The following WDPCP variants were observed in gnomAD, a reference collection of about 807,000 sequenced individuals.
WDPCP encodes WD repeat containing planar cell polarity effector.
Under a neutral mutation model 93.1 loss-of-function variants are expected in WDPCP, and 71 were observed. That is an observed-to-expected ratio of 0.76 (90% CI 0.63 to 0.93). The LOEUF (loss-of-function observed/expected upper bound fraction) is 0.93. Ranked by LOEUF, WDPCP falls within the 40% of genes least tolerant of loss-of-function variation. The probability of loss-of-function intolerance (pLI) is 0.00; values close to 1 mark genes in which losing one functional copy is unlikely to be tolerated. For synonymous variants in WDPCP, 315 were observed against 315.0 expected, an observed-to-expected ratio of 1.00 and a Z score of 0.00; for missense variants, 844 against 887.4, an observed-to-expected ratio of 0.95 and a Z score of 0.62.
At chr2:63,261,790 A>G (rs1313244479) in intron 13 of WDPCP, among the ~76,000 whole-genome samples, 1 of 152,172 alleles carries the variant, frequency 6.6e-6, no homozygotes, top group South Asian at 2.1e-4. Flanking sequence ...AATATTTGCT[A>G]TCTGGCCCTT....
chr2:63,508,845 C>T (rs973737156), intron 1 of WDPCP, among the ~76,000 whole-genome samples: 2 of 152,178 alleles, frequency 1.3e-5, no homozygotes, highest in Non-Finnish European at 2.9e-5. Flanking sequence ...AAGGGCATTA[C>T]ATAATGGTAA....
chr2:63,214,469 A>T (rs1677134049), intron 14 of WDPCP, among the ~76,000 whole-genome samples: 1 of 152,254 alleles, frequency 6.6e-6, no homozygotes, highest in Non-Finnish European at 1.5e-5. Flanking sequence ...CATGGGATGT[A>T]TCTCAAAATA....
At chr2:63,225,170 G>T (rs529922817) in intron 14 of WDPCP, among the ~76,000 whole-genome samples, 3 of 151,942 alleles carry the variant, frequency 2.0e-5, no homozygotes, top group South Asian at 4.1e-4. Flanking sequence ...CAAAAGATTT[G>T]TATAAGGAAT....
At chr2:63,357,524 C>T (rs553087432) in intron 12 of WDPCP, among the ~76,000 whole-genome samples, 1 of 152,264 alleles carries the variant, frequency 6.6e-6, no homozygotes, top group East Asian at 1.9e-4. Context: ...CTCAGTATCA[C>T]TGATTAGAGA....
At chr2:63,742,539 G>A (rs1222582305) in intron 2 of WDPCP, among the ~76,000 whole-genome samples, 1 of 151,468 alleles carries the variant, frequency 6.6e-6, no homozygotes, top group Non-Finnish European at 1.5e-5. Context: ...CACTAATGAG[G>A]TAGATTGCAT....
chr2:63,153,370 A>C, intron 16 of WDPCP, 125 bp downstream of exon 16: 1 of 632,772 alleles, frequency 1.6e-6, no homozygotes, highest in African/African-American at 1.9e-5. Context: ...AATGACAAGC[A>C]GTCTTATACC....
At chr2:63,749,544 C>T (rs146699064) in intron 2 of WDPCP, among the ~76,000 whole-genome samples, 137 of 152,182 alleles carry the variant, frequency 9.0e-4, no homozygotes, top group African/African-American at 3.2e-3. Context: ...ATATTCAACA[C>T]TTTATTATAA....
At chr2:63,838,039 G>C in the WDPCP span, among the ~76,000 whole-genome samples, 1 of 151,978 alleles carries the variant, frequency 6.6e-6, no homozygotes, top group African/African-American at 2.4e-5. Context: ...AGGTTGCATT[G>C]AGCCGAGATC....
At chr2:63,331,114 C>T (rs539892030) in intron 12 of WDPCP, among the ~76,000 whole-genome samples, 1 of 152,202 alleles carries the variant, frequency 6.6e-6, no homozygotes, top group African/African-American at 2.4e-5. Flanking sequence ...TCTTGGCCTC[C>T]CACAGTGTTG....
chr2:63,407,975 C>T (rs1694720715), intron 9 of WDPCP, among the ~76,000 whole-genome samples: 1 of 152,162 alleles, frequency 6.6e-6, no homozygotes, highest in South Asian at 2.1e-4. Context: ...AAGTTACGTT[C>T]ATGATCCAGA....
chr2:63,144,263 TA>T (rs869065000), intron 17 of WDPCP, among the ~76,000 whole-genome samples: 2 of 27,738 alleles, frequency 7.2e-5, no homozygotes, highest in African/African-American at 1.4e-4. Context: ...TTACCCTTTT[TA>T]TTTTATTTTA....
chr2:63,438,060 T>A (rs957758471), intron 7 of WDPCP: 3 of 1,191,248 alleles, frequency 2.5e-6, no homozygotes, highest in East Asian at 3.2e-5. Flanking sequence ...ATAAAGCATA[T>A]TATGACCAAT....
chr2:63,250,903 A>C (rs1680657823), intron 14 of WDPCP, among the ~76,000 whole-genome samples: 1 of 152,190 alleles, frequency 6.6e-6, no homozygotes, highest in African/African-American at 2.4e-5. Context: ...GCTATAGAGC[A>C]CTGGCTCTCA....
At chr2:63,838,553 C>T in the WDPCP span, among the ~76,000 whole-genome samples, 1 of 152,012 alleles carries the variant, frequency 6.6e-6, no homozygotes, top group Admixed American at 6.6e-5. Context: ...TATCAGCCCC[C>T]ATCTTCATTC....
chr2:63,447,640 A>G (rs967400421), intron 6 of WDPCP, among the ~76,000 whole-genome samples: 3 of 152,144 alleles, frequency 2.0e-5, no homozygotes, highest in Non-Finnish European at 2.9e-5. Flanking sequence ...TTACTCATCT[A>G]TGTCCAATTT....
upstream of WDPCP, chr2:63,827,877 T>C (rs1216456737): frequency 6.6e-6 from 1 of 152,200 alleles, no homozygotes; most frequent in Non-Finnish European, 1.5e-5. Context: ...GTCTTATCTA[T>C]GGCCAGAAGA....
At chr2:63,616,541 A>G (rs568447655) in intron 3 of WDPCP, among the ~76,000 whole-genome samples, 1 of 152,210 alleles carries the variant, frequency 6.6e-6, no homozygotes, top group African/African-American at 2.4e-5. Context: ...TTTACTCTAT[A>G]GCATAAAATA....
chr2:63,472,059 T>C (rs959629692), intron 6 of WDPCP, among the ~76,000 whole-genome samples: 3 of 152,134 alleles, frequency 2.0e-5, no homozygotes, highest in Non-Finnish European at 4.4e-5. Context: ...AAAAATCACT[T>C]TCTTTCCGAA....
intron 12 of WDPCP, among the ~76,000 whole-genome samples, chr2:63,360,434 A>G (rs146542801): frequency 1.3e-5 from 2 of 152,254 alleles, no homozygotes; most frequent in African/African-American, 4.8e-5. Context: ...TCAATTCTCT[A>G]GATTCTTTCA....
Sources: gnomAD v4.1 joint callset for allele counts (sites outside exome capture counted in the v4.1 genomes callset) on GRCh38, gnomAD v4.1.1 for gene constraint, MANE v1.5 for transcripts, NCBI Gene and HGNC (gene_info 2026-07-23, HGNC 2026-07-21) for gene names.